The following RANBP2 variants were observed in gnomAD, a reference collection of about 807,000 sequenced individuals.
RANBP2 encodes E3 SUMO-protein ligase RanBP2.
A neutral mutation model predicts 303.6 loss-of-function variants in RANBP2; 57 were observed. The ratio of observed to expected loss-of-function variants is 0.19; its 90% confidence interval spans 0.15 to 0.23. RANBP2 has a LOEUF of 0.23. RANBP2 is among the 10% of genes least tolerant of loss of function. RANBP2 has a pLI of 1.00. For missense variants in RANBP2, 3,138 were observed against 3,780.8 expected, an observed-to-expected ratio of 0.83 and a Z score of 4.46; for synonymous variants, 1,167 against 1,301.5, an observed-to-expected ratio of 0.90 and a Z score of 2.23.
At chr2:109,011,460 C>T in the RANBP2 span, among the ~76,000 whole-genome samples, 3 of 152,142 alleles carry the variant, frequency 2.0e-5, no homozygotes, top group African/African-American at 7.2e-5. Flanking sequence ...TCTGTTTGTT[C>T]TTTTCTCCAT....
chr2:109,085,810 G>C, the RANBP2 span, among the ~76,000 whole-genome samples: 1 of 151,148 alleles, frequency 6.6e-6, no homozygotes, highest in Non-Finnish European at 1.5e-5. Flanking sequence ...TCACCATGTT[G>C]ACCAGGCTGG....
At chr2:108,733,523 G>C (rs1169682536) in intron 4 of RANBP2, among the ~76,000 whole-genome samples, 1 of 152,064 alleles carries the variant, frequency 6.6e-6, no homozygotes, top group Non-Finnish European at 1.5e-5. Flanking sequence ...GATTTTTGAA[G>C]CTGAAAAAGC....
the RANBP2 span, among the ~76,000 whole-genome samples, chr2:109,100,110 A>C: frequency 6.6e-6 from 1 of 152,242 alleles, no homozygotes; most frequent in Non-Finnish European, 1.5e-5. Flanking sequence ...GATAATTAAT[A>C]GATAGTTTAC....
At chr2:109,453,016 C>G in the RANBP2 span, among the ~76,000 whole-genome samples, 4 of 150,998 alleles carry the variant, frequency 2.6e-5, no homozygotes, top group African/African-American at 9.7e-5. Flanking sequence ...GGAAACTGGT[C>G]CCCGGGAGGC....
chr2:109,431,870 C>CA, the RANBP2 span, among the ~76,000 whole-genome samples: 6,641 of 142,908 alleles, frequency 0.046, 434 homozygotes, highest in African/African-American at 0.14. Context: ...GATGCTGTTT[C>CA]AAAAAAAAAA....
the RANBP2 span, among the ~76,000 whole-genome samples, chr2:109,556,364 A>T: frequency 1.2e-3 from 183 of 152,372 alleles, no homozygotes; most frequent in Non-Finnish European, 2.5e-4. Context: ...AATATGAATT[A>T]AATCTTATTA....
At chr2:109,000,952 C>T in the RANBP2 span, among the ~76,000 whole-genome samples, 1 of 152,056 alleles carries the variant, frequency 6.6e-6, no homozygotes, top group Admixed American at 6.5e-5. Context: ...GCCCTGAGGC[C>T]CAGGTGAGGG....
chr2:109,149,352 A>C, the RANBP2 span, among the ~76,000 whole-genome samples: 1 of 152,330 alleles, frequency 6.6e-6, no homozygotes, highest in South Asian at 2.1e-4. Context: ...CCATTTAATC[A>C]AGAGTCAAGT....
chr2:109,013,417 A>C, the RANBP2 span, among the ~76,000 whole-genome samples: 1 of 152,250 alleles, frequency 6.6e-6, no homozygotes, highest in Non-Finnish European at 1.5e-5. Context: ...ACATCTGACC[A>C]CTATGAGAGT....
the RANBP2 span, among the ~76,000 whole-genome samples, chr2:109,202,344 G>A: frequency 7.2e-5 from 11 of 152,122 alleles, no homozygotes; most frequent in Non-Finnish European, 1.2e-4. Context: ...AGTGTGTCTC[G>A]GCTGCTTTGG....
At chr2:109,571,201 C>T in the RANBP2 span, among the ~76,000 whole-genome samples, 1 of 152,196 alleles carries the variant, frequency 6.6e-6, no homozygotes, top group African/African-American at 2.4e-5. Flanking sequence ...TCTTGTACAG[C>T]CTAAGGAACT....
the RANBP2 span, among the ~76,000 whole-genome samples, chr2:109,601,770 A>C: frequency 6.6e-6 from 1 of 152,178 alleles, no homozygotes; most frequent in African/African-American, 2.4e-5. Flanking sequence ...GAAGTTAAAA[A>C]AAAAAAAAGC....
At chr2:108,955,448 T>A in the RANBP2 span, among the ~76,000 whole-genome samples, 1 of 152,212 alleles carries the variant, frequency 6.6e-6, no homozygotes, top group African/African-American at 2.4e-5. Flanking sequence ...GACATATATA[T>A]CTTCTAAAAT....
the RANBP2 span, among the ~76,000 whole-genome samples, chr2:109,096,484 G>T: frequency 6.6e-6 from 1 of 152,102 alleles, no homozygotes; most frequent in African/African-American, 2.4e-5. Flanking sequence ...ACAGACAATT[G>T]TTGTCCCATT....
At chr2:109,568,030 T>G in the RANBP2 span, 1 of 1,374,046 alleles carries the variant, frequency 7.3e-7, no homozygotes, top group Admixed American at 2.3e-5. Flanking sequence ...TTTTTAATCC[T>G]GCAGCTGTTT....
the RANBP2 span, among the ~76,000 whole-genome samples, chr2:109,119,405 G>A: frequency 6.6e-6 from 1 of 152,092 alleles, no homozygotes; most frequent in African/African-American, 2.4e-5. Flanking sequence ...ATACACATGA[G>A]TATTATTTAT....
chr2:109,193,437 G>C, the RANBP2 span, among the ~76,000 whole-genome samples: 188 of 152,246 alleles, frequency 1.2e-3, no homozygotes, highest in Non-Finnish European at 2.1e-3. Flanking sequence ...TCTCCTTACT[G>C]TCACCCCAGC....
At chr2:109,651,376 C>T in the RANBP2 span, among the ~76,000 whole-genome samples, 2 of 152,058 alleles carry the variant, frequency 1.3e-5, no homozygotes, top group Non-Finnish European at 2.9e-5. Context: ...GAGCAGGTGG[C>T]CCAGTGTTCC....
At chr2:109,581,062 C>T in the RANBP2 span, among the ~76,000 whole-genome samples, 2 of 152,252 alleles carry the variant, frequency 1.3e-5, no homozygotes, top group Admixed American at 6.5e-5. Flanking sequence ...CCCATGACTA[C>T]GGCCATTTCC....
Sources: gnomAD v4.1 joint callset for allele counts (sites outside exome capture counted in the v4.1 genomes callset) on GRCh38, gnomAD v4.1.1 for gene constraint, MANE v1.5 for transcripts, NCBI Gene and HGNC (gene_info 2026-07-23, HGNC 2026-07-21) for gene names.